The following ABL1 variants were observed in gnomAD, a reference collection of about 807,000 sequenced individuals.
ABL1 encodes the protein ABL proto-oncogene 1, non-receptor tyrosine kinase, also known as tyrosine-protein kinase ABL1.
A neutral mutation model predicts 94.7 loss-of-function variants in ABL1; 11 were observed. The observed-to-expected ratio is 0.12, with a 90% CI of 0.07 to 0.19. The LOEUF (loss-of-function observed/expected upper bound fraction) is 0.19. Ranked by LOEUF, ABL1 falls within the 10% of genes least tolerant of loss-of-function variation. ABL1 has a pLI of 1.00. For missense variants in ABL1, 1,082 were observed against 1,489.4 expected (o/e 0.73, Z 4.50); for synonymous variants, 656 against 622.4 (o/e 1.05, Z -0.80).
chr9:130,887,177 C>G lies in ABL1; in HGVS notation c.*1494C>G, dbSNP rs1831600549. The G allele has an allele frequency of 4.3e-6, 1 of 233,124 alleles. No homozygotes were observed. The highest frequency in any genetic ancestry group is 5.6e-5 in the Admixed American group (1 of 17,790). 14.4% of individuals were successfully genotyped at this position (233,124 alleles called of 1,614,324 possible). On this transcript the variant is annotated 3_prime_UTR_variant, in exon 11 of 11. Transcript: ENST00000318560. ...GAAGCCACCTTCCCACCCCTTCATA[C>G]CGCCTCGTGCCAGCAGCCTCGCACA...
chr9:130,834,956 G>A, upstream of ABL1: 1 of 454,958 alleles, frequency 2.2e-6, no homozygotes, highest in Non-Finnish European at 4.4e-6. Context: ...GCCCCAGGCC[G>A]CGGTGGAGTT....
chr9:130,823,695 C>T (rs1169287106), intron 1 of ABL1, among the ~76,000 whole-genome samples: 2 of 152,214 alleles, frequency 1.3e-5, no homozygotes, highest in Admixed American at 6.5e-5. Context: ...AAGTCTTACA[C>T]AGCACTTTTG....
chr9:130,784,181 G>T (rs1829796038), intron 1 of ABL1, among the ~76,000 whole-genome samples: 1 of 152,166 alleles, frequency 6.6e-6, no homozygotes. Flanking sequence ...ATTGGCACAT[G>T]ATTTAGTGAT....
chr9:130,741,076 T>C (rs1224390454), intron 1 of ABL1, among the ~76,000 whole-genome samples: 1 of 152,100 alleles, frequency 6.6e-6, no homozygotes, highest in African/African-American at 2.4e-5. Context: ...CACAGGTACA[T>C]AGACTAAGGA....
intron 1 of ABL1, among the ~76,000 whole-genome samples, chr9:130,775,227 T>A (rs1449492007): frequency 6.6e-6 from 1 of 152,160 alleles, no homozygotes; most frequent in Non-Finnish European, 1.5e-5. Flanking sequence ...CCAAACATGA[T>A]CTCACAATCC....
chr9:130,794,107 G>A (rs1052908141), intron 1 of ABL1, among the ~76,000 whole-genome samples: 2 of 151,968 alleles, frequency 1.3e-5, no homozygotes, highest in Non-Finnish European at 2.9e-5. Flanking sequence ...TAAATGTAAT[G>A]CACTTGAATC....
chr9:130,816,100 A>G (rs949220378), intron 1 of ABL1, among the ~76,000 whole-genome samples: 6 of 152,078 alleles, frequency 3.9e-5, no homozygotes, highest in Non-Finnish European at 8.8e-5. Flanking sequence ...CCCACCCACT[A>G]TAACCTCTGA....
chr9:130,765,356 T>C (rs1480059015), intron 1 of ABL1, among the ~76,000 whole-genome samples: 1 of 152,182 alleles, frequency 6.6e-6, no homozygotes, highest in African/African-American at 2.4e-5. Context: ...AACGTGTAGC[T>C]AGCAGGATGG....
intron 1 of ABL1, among the ~76,000 whole-genome samples, chr9:130,717,967 A>G (rs1197357221): frequency 6.7e-6 from 1 of 150,228 alleles, no homozygotes; most frequent in Non-Finnish European, 1.5e-5. Context: ...AGACGAGATC[A>G]CGCCATTGCA....
chr9:130,736,939 C>A (rs1338985086), intron 1 of ABL1, among the ~76,000 whole-genome samples: 1 of 152,154 alleles, frequency 6.6e-6, no homozygotes, highest in African/African-American at 2.4e-5. Flanking sequence ...CCTGTCTATG[C>A]CCCTTCACTG....
Position 130,872,084 on chromosome 9 carries a change from A to G in ABL1, c.823-45A>G. On this transcript the variant is annotated intron_variant, in intron 4 of 10. Transcript: ENST00000318560. This position sits in a 1 kb window ranked among gnomAD's most constrained non-coding sequence, Gnocchi z 5.0. Reference sequence around the variant, plus strand: ...CTAGTCAAGTACTTACCCACTGAAAAGCACTTCCTGAAATAATTTCACCTT... The same window carrying G: ...CTAGTCAAGTACTTACCCACTGAAAGGCACTTCCTGAAATAATTTCACCTT... The G allele has an allele frequency of 6.3e-7, 1 of 1,584,532 alleles. No homozygotes were observed. Among genetic ancestry groups the G allele is most frequent in the Non-Finnish European group, 8.7e-7 (1 of 1,154,870 alleles).
chr9:130,788,805 T>G (rs35434392), intron 1 of ABL1, among the ~76,000 whole-genome samples: 7,580 of 152,302 alleles, frequency 0.05, 248 homozygotes, highest in Non-Finnish European at 0.074. Context: ...GTTACACATT[T>G]CTGTTTTAGA....
chr9:130,752,587 A>G (rs1831979810), intron 1 of ABL1, among the ~76,000 whole-genome samples: 1 of 152,196 alleles, frequency 6.6e-6, no homozygotes, highest in South Asian at 2.1e-4. Flanking sequence ...CACTGCATGT[A>G]TGTATGTATT....
At chr9:130,875,471 A>G (rs959222722) in intron 7 of ABL1, among the ~76,000 whole-genome samples, 22 of 144,922 alleles carry the variant, frequency 1.5e-4, no homozygotes. Context: ...TTAACTGTGT[A>G]TTTGGCCTGA....
At chr9:130,795,287 C>T (rs910003963) in intron 1 of ABL1, among the ~76,000 whole-genome samples, 4 of 152,170 alleles carry the variant, frequency 2.6e-5, no homozygotes, top group African/African-American at 9.7e-5. Context: ...ATGGCACTGA[C>T]CTTTCCTTAA....
chr9:130,717,520 T>C (rs1257489125), intron 1 of ABL1, among the ~76,000 whole-genome samples: 1 of 149,256 alleles, frequency 6.7e-6, no homozygotes, highest in Non-Finnish European at 1.5e-5. Context: ...CTGTGCAATC[T>C]AGTGAGATCT....
At chr9:130,799,070 A>G (rs1039779354) in intron 1 of ABL1, among the ~76,000 whole-genome samples, 1 of 152,096 alleles carries the variant, frequency 6.6e-6, no homozygotes, top group Non-Finnish European at 1.5e-5. Context: ...ATATGAGTTC[A>G]GAAGAGCACT....
At chr9:130,846,201 CT>C (rs1393207953) in intron 1 of ABL1, among the ~76,000 whole-genome samples, 1 of 152,026 alleles carries the variant, frequency 6.6e-6, no homozygotes, top group Admixed American at 6.6e-5. Flanking sequence ...GATAAAATGA[CT>C]TTCATCAAGC....
At chr9:130,751,778 C>G (rs892224732) in intron 1 of ABL1, among the ~76,000 whole-genome samples, 10 of 152,224 alleles carry the variant, frequency 6.6e-5, no homozygotes, top group South Asian at 2.1e-4. Context: ...AAACCAAATG[C>G]TTTCCAGCCG....
Sources: gnomAD v4.1 joint callset for allele counts (sites outside exome capture counted in the v4.1 genomes callset) on GRCh38, gnomAD v4.1.1 for gene constraint, Gnocchi (gnomAD v3.1) non-coding constraint, MANE v1.5 for transcripts, NCBI Gene and HGNC (gene_info 2026-07-23, HGNC 2026-07-21) for gene names.